The following ICA1 variants were observed in gnomAD, a reference collection of about 807,000 sequenced individuals.
ICA1 encodes 69 kDa islet cell autoantigen.
In ICA1, 40 loss-of-function variants were observed where a neutral mutation model predicts 71.0. That is an observed-to-expected ratio of 0.56 (90% CI 0.44 to 0.73). The LOEUF (loss-of-function observed/expected upper bound fraction) is 0.73. Ranked by LOEUF, ICA1 falls within the 30% of genes least tolerant of loss-of-function variation. The pLI, the probability that ICA1 is intolerant of heterozygous loss-of-function variation, is 0.00. For synonymous variants in ICA1, 207 were observed against 209.5 expected, an observed-to-expected ratio of 0.99 and a Z score of 0.10; for missense variants, 578 against 576.5, an observed-to-expected ratio of 1.00 and a Z score of -0.03.
At chr7:8,155,042 T>G (rs1801008133) in intron 8 of ICA1, among the ~76,000 whole-genome samples, 1 of 152,190 alleles carries the variant, frequency 6.6e-6, no homozygotes, top group African/African-American at 2.4e-5. Flanking sequence ...CAGCTTGAGA[T>G]TCTAATGTGA....
intron 6 of ICA1, among the ~76,000 whole-genome samples, chr7:8,164,625 C>T (rs10952091): frequency 0.57 from 86,374 of 152,006 alleles, 24,694 homozygotes; most frequent in Middle Eastern, 0.67. Flanking sequence ...AATACTCCTC[C>T]GTCATTAACT....
intron 6 of ICA1, among the ~76,000 whole-genome samples, chr7:8,179,586 G>C (rs929174960): frequency 6.6e-6 from 1 of 152,190 alleles, no homozygotes; most frequent in Admixed American, 6.5e-5. Flanking sequence ...GTGGTGGGAT[G>C]AATCTGAAAA....
Position 8,226,799 on chromosome 7 carries a change from C to T in ICA1, c.256+1802G>A, listed in dbSNP as rs1170855569. On this transcript the variant is annotated intron_variant, in intron 4 of 13. Transcript: ENST00000402384. The surrounding 1 kb of genome is among the most constrained non-coding windows in gnomAD (Gnocchi z 4.4). ...CTGCTTCAACGGTGGGGACATTATT[C>T]TAACCCTTTATATTACAAGATAATT... is the stretch of plus-strand genomic sequence containing the variant. Among the ~76,000 whole-genome samples the T allele has an allele frequency of 3.3e-5, 5 of 152,336 alleles. No individual in the cohort carries two copies. In the East Asian group the frequency reaches 9.6e-4, roughly 29 times the overall value.
At chr7:8,165,297 C>A (rs1181622684) in intron 6 of ICA1, among the ~76,000 whole-genome samples, 1 of 152,194 alleles carries the variant, frequency 6.6e-6, no homozygotes, top group Admixed American at 6.5e-5. Context: ...AAGCAATTTT[C>A]ATATTTTATT....
chr7:8,114,137 G>A (rs1784028538), intron 13 of ICA1, 93 bp from the exon 14 acceptor site: 1 of 1,359,654 alleles, frequency 7.4e-7, no homozygotes. Flanking sequence ...ATCTTCAAAT[G>A]CAGATTGTTC....
chr7:8,166,141 A>C (rs1333105051), intron 6 of ICA1, among the ~76,000 whole-genome samples: 1 of 152,228 alleles, frequency 6.6e-6, no homozygotes, highest in African/African-American at 2.4e-5. Context: ...TACAGTAACC[A>C]AAACAGCATA....
At chr7:8,240,810 G>C (rs1450816551) in intron 1 of ICA1, among the ~76,000 whole-genome samples, 2 of 152,124 alleles carry the variant, frequency 1.3e-5, no homozygotes. Context: ...AGAAAGGGTA[G>C]GTATCAGTGA....
intron 12 of ICA1, among the ~76,000 whole-genome samples, chr7:8,134,705 T>C (rs1163641320): frequency 1.3e-5 from 2 of 152,156 alleles, no homozygotes; most frequent in Non-Finnish European, 2.9e-5. Context: ...GAAAAACATA[T>C]TCTATATTAT....
At chr7:8,124,806 A>G (rs1229583011) in intron 13 of ICA1, among the ~76,000 whole-genome samples, 1 of 150,772 alleles carries the variant, frequency 6.6e-6, no homozygotes, top group Non-Finnish European at 1.5e-5. Context: ...TTTTTCAGAG[A>G]CAGAGTCTCC....
rs1451451166 is a variant in ICA1, at chr7:8,123,765, G to A, written c.1330+4108C>T. Among the ~76,000 whole-genome samples, 2 of 152,174 alleles carry A rather than the reference G, an allele frequency of 1.3e-5. No homozygotes were observed. Among genetic ancestry groups the A allele is most frequent in the Non-Finnish European group, 2.9e-5 (2 of 68,032 alleles). ...GCCCCTCTGACGGCTTCCTAAGAGA[G>A]GTCTGAAGAGCCCCACTGGGAAATC... On this transcript the variant is annotated intron_variant, in intron 13 of 13. Coordinates refer to ENST00000402384, the MANE Select transcript of ICA1 (RefSeq NM_001136020.3). This position sits in a 1 kb window ranked among gnomAD's most constrained non-coding sequence, Gnocchi z 4.1.
chr7:8,122,223 G>A (rs562826478), intron 13 of ICA1, among the ~76,000 whole-genome samples: 3 of 152,300 alleles, frequency 2.0e-5, no homozygotes, highest in South Asian at 4.1e-4. Context: ...GATAGCACAC[G>A]TGGTTCTCCA....
intron 2 of ICA1, among the ~76,000 whole-genome samples, chr7:8,235,231 T>C (rs1801476688): frequency 1.3e-5 from 2 of 152,212 alleles, no homozygotes; most frequent in Admixed American, 1.3e-4. Context: ...TTGTTTTTCA[T>C]GATACAAATT....
chr7:8,203,717 C>T (rs1254831818), intron 6 of ICA1, among the ~76,000 whole-genome samples: 2 of 152,204 alleles, frequency 1.3e-5, no homozygotes, highest in African/African-American at 4.8e-5. Flanking sequence ...TGCAGGGGGC[C>T]TGTTAATTTT....
intron 4 of ICA1, chr7:8,227,605 C>CTT (rs752042709): frequency 0.022 from 6,859 of 310,142 alleles, 2 homozygotes; most frequent in South Asian, 0.037. Flanking sequence ...AAGTAGTTGT[C>CTT]TTTTTTTTTT....
intron 6 of ICA1, among the ~76,000 whole-genome samples, chr7:8,193,260 T>G (rs988006362): frequency 6.6e-6 from 1 of 152,206 alleles, no homozygotes; most frequent in East Asian, 1.9e-4. Flanking sequence ...CATACACACA[T>G]GTATGTATGC....
intron 6 of ICA1, among the ~76,000 whole-genome samples, chr7:8,208,400 A>G (rs989270517): frequency 4.4e-4 from 48 of 109,456 alleles, no homozygotes; most frequent in Admixed American, 6.8e-4. Context: ...TAAGTAAATC[A>G]CCATATTTTA....
At chr7:8,116,228 TTATTA>T in intron 13 of ICA1, 1 of 152,358 alleles carries the variant, frequency 6.6e-6, no homozygotes, top group Non-Finnish European at 1.5e-5. Flanking sequence ...CAAAATGCTG[TTATTA>T]CCTTTCACTG....
intron 1 of ICA1, among the ~76,000 whole-genome samples, chr7:8,241,777 T>C (rs1283230159): frequency 6.6e-6 from 1 of 152,100 alleles, no homozygotes; most frequent in Non-Finnish European, 1.5e-5. Context: ...TAGTCTCTGA[T>C]AAAACATACT....
intron 1 of ICA1, among the ~76,000 whole-genome samples, chr7:8,243,110 C>T (rs1327796161): frequency 6.6e-6 from 1 of 151,884 alleles, no homozygotes; most frequent in Non-Finnish European, 1.5e-5. Context: ...AGAGACACAA[C>T]AAAAAAAGGG....
Sources: gnomAD v4.1 joint callset for allele counts (sites outside exome capture counted in the v4.1 genomes callset) on GRCh38, gnomAD v4.1.1 for gene constraint, Gnocchi (gnomAD v3.1) non-coding constraint, MANE v1.5 for transcripts, NCBI Gene and HGNC (gene_info 2026-07-23, HGNC 2026-07-21) for gene names.